The following CEP83 variants were observed in gnomAD, a reference collection of about 807,000 sequenced individuals.
The protein encoded by CEP83 is centrosomal protein of 83 kDa.
CEP83 carries 70 observed loss-of-function variants against 101.9 expected under a neutral mutation model. That is an observed-to-expected ratio of 0.69 (90% CI 0.57 to 0.84). CEP83 has a LOEUF of 0.84. Among genes scored for constraint, CEP83 ranks in the 40% least tolerant of loss-of-function variants. CEP83 has a pLI of 0.00. For missense variants in CEP83, 715 were observed against 787.2 expected, an observed-to-expected ratio of 0.91 and a Z score of 1.10; for synonymous variants, 264 against 267.9, an observed-to-expected ratio of 0.99 and a Z score of 0.14.
intron 2 of CEP83, among the ~76,000 whole-genome samples, chr12:94,413,087 C>G (rs2137812562): frequency 6.6e-6 from 1 of 152,314 alleles, no homozygotes; most frequent in South Asian, 2.1e-4. Context: ...CTCCTGACAT[C>G]AGGCATTCTG....
intron 11 of CEP83, among the ~76,000 whole-genome samples, chr12:94,356,236 T>C (rs766568784): frequency 7.2e-5 from 11 of 152,168 alleles, no homozygotes; most frequent in Admixed American, 1.3e-4. Flanking sequence ...GGGATAGGTA[T>C]GGGGTCTGGT....
In CEP83 at chr12:94,450,261, A is replaced by AT. The variant is rs563106873; in HGVS notation, c.-155+9295dup. ...CAAACAATATGCAAAAATTGGTTGC[A>AT]TTTTTTTTTAGACAGATTCTCGCTC... On this transcript the variant is annotated intron_variant, in intron 1 of 16. Coordinates refer to ENST00000397809, the MANE Select transcript of CEP83 (RefSeq NM_016122.3). Among the ~76,000 whole-genome samples, 21 of 151,336 alleles carry AT rather than the reference A, an allele frequency of 1.4e-4. No homozygotes were observed. In the South Asian group the frequency reaches 3.6e-3, roughly 26 times the overall value.
At chr12:94,414,060 C>A (rs969631272) in intron 2 of CEP83, among the ~76,000 whole-genome samples, 2 of 152,136 alleles carry the variant, frequency 1.3e-5, no homozygotes, top group African/African-American at 4.8e-5. Context: ...ACTATAATTG[C>A]AGTTGTTTTG....
chr12:94,274,241 G>GGT, the CEP83 span, among the ~76,000 whole-genome samples: 15 of 151,752 alleles, frequency 9.9e-5, no homozygotes, highest in Admixed American at 7.9e-4. Flanking sequence ...GGGAGGCTGA[G>GGT]GTGGGAGGAT....
chr12:94,304,275 C>T (rs1050711254), downstream of CEP83: 3 of 409,936 alleles, frequency 7.3e-6, no homozygotes, highest in Non-Finnish European at 1.3e-5. Flanking sequence ...CCTGAATTTA[C>T]ATTTGAGTTC....
At chr12:94,288,461 G>A in the CEP83 span, among the ~76,000 whole-genome samples, 77 of 152,312 alleles carry the variant, frequency 5.1e-4, no homozygotes, top group African/African-American at 1.7e-3. Flanking sequence ...CTAATAGGCC[G>A]CAGAAGGAGC....
the CEP83 span, chr12:94,272,432 T>TA: frequency 6.6e-6 from 1 of 152,280 alleles, no homozygotes; most frequent in Non-Finnish European, 1.5e-5. Flanking sequence ...AAGTGCCACA[T>TA]AACATATCCA....
chr12:94,394,699 T>A (rs1363463517), intron 6 of CEP83, among the ~76,000 whole-genome samples: 1 of 152,014 alleles, frequency 6.6e-6, no homozygotes, highest in African/African-American at 2.4e-5. Context: ...ACCTACAGAA[T>A]GGAAGAAAAT....
chr12:94,350,330 C>A (rs1426992421), intron 11 of CEP83, among the ~76,000 whole-genome samples: 3 of 152,072 alleles, frequency 2.0e-5, no homozygotes, highest in Non-Finnish European at 2.9e-5. Context: ...AGTAAATAAA[C>A]CCTCCCATAT....
rs1019451685 is a variant in CEP83 at position 94,367,920 on chromosome 12, G to A, written c.1217C>T (p.Ala406Val). The change falls in exon 11 of 17, where the codon GCA (alanine) becomes GTA (valine). Residue 406 changes from alanine to valine, a missense_variant. Transcript: ENST00000397809. The part of the protein sequence containing the change: ...DEKLELENRL[A>V]DLEKMKVEHD... Reference sequence around the variant, plus strand: ...TTCCACTTTCATTTTCTCCAAATCTGCTAATCTGTTCTCGAGTTCTAACCT... The same window carrying A: ...TTCCACTTTCATTTTCTCCAAATCTACTAATCTGTTCTCGAGTTCTAACCT... 8.1e-6 allele frequency: 13 copies of A among 1,613,358 alleles called. No individual in the cohort carries two copies. The highest frequency in any genetic ancestry group is 1.0e-5 in the Non-Finnish European group (12 of 1,179,614).
Position 94,455,753 on chromosome 12 carries a change from AG to A in CEP83, c.-155+3803del, listed in dbSNP as rs575548818. ...CATCCTGGATTATAGCTCAGTTAAA[AG>A]AAATAGTAGGCCGGGCGCATTGGCT... On this transcript the variant is annotated intron_variant, in intron 1 of 16. Coordinates refer to ENST00000397809, the MANE Select transcript of CEP83 (RefSeq NM_016122.3). Among the ~76,000 whole-genome samples the A allele has an allele frequency of 1.2e-3, 187 of 152,334 alleles. 1 individual carries two copies. Among genetic ancestry groups the A allele is most frequent in the African/African-American group, 4.2e-3 (174 of 41,576 alleles).
At chr12:94,388,306 C>A (rs1469068648) in intron 6 of CEP83, among the ~76,000 whole-genome samples, 2 of 152,172 alleles carry the variant, frequency 1.3e-5, no homozygotes, top group Non-Finnish European at 2.9e-5. Context: ...AGACTATCAT[C>A]CAAAGCAAAT....
chr12:94,393,725 C>G (rs1192756955), intron 6 of CEP83, among the ~76,000 whole-genome samples: 2 of 152,184 alleles, frequency 1.3e-5, no homozygotes, highest in Non-Finnish European at 2.9e-5. Context: ...TTAGAAAACT[C>G]CATCATCTCA....
chr12:94,348,413 T>C (rs558384008), intron 11 of CEP83, among the ~76,000 whole-genome samples: 1 of 152,098 alleles, frequency 6.6e-6, no homozygotes, highest in Non-Finnish European at 1.5e-5. Context: ...GTGAAAAAGC[T>C]AGATAAGTGG....
intron 2 of CEP83, among the ~76,000 whole-genome samples, chr12:94,418,662 G>A (rs1489844562): frequency 6.6e-6 from 1 of 152,140 alleles, no homozygotes; most frequent in Non-Finnish European, 1.5e-5. Context: ...AAGGGAATGG[G>A]GAAATGGGAG....
intron 6 of CEP83, among the ~76,000 whole-genome samples, chr12:94,388,408 GA>G (rs2062291002): frequency 6.6e-6 from 1 of 152,056 alleles, no homozygotes; most frequent in Admixed American, 6.5e-5. Context: ...ATAAAGATGG[GA>G]ACAATAGAAC....
intron 11 of CEP83, among the ~76,000 whole-genome samples, chr12:94,348,134 G>A (rs2060026277): frequency 2.0e-5 from 3 of 151,476 alleles, no homozygotes; most frequent in Non-Finnish European, 2.9e-5. Flanking sequence ...TATACACAAA[G>A]CAGTGGCTGA....
chr12:94,356,573 G>T (rs2060488128), intron 11 of CEP83, among the ~76,000 whole-genome samples: 1 of 152,158 alleles, frequency 6.6e-6, no homozygotes, highest in South Asian at 2.1e-4. Context: ...GCAGTTCCCT[G>T]TTAGAATACA....
the CEP83 span, chr12:94,279,772 G>T: frequency 1.1e-6 from 1 of 887,784 alleles, no homozygotes. Flanking sequence ...TACACAGCCA[G>T]GTTGTTCCTG....
Sources: allele counts gnomAD v4.1 joint callset (sites outside exome capture counted in the v4.1 genomes callset), GRCh38; gene constraint gnomAD v4.1.1; transcripts MANE v1.5; gene names NCBI Gene and HGNC (gene_info 2026-07-23, HGNC 2026-07-21).